The following PPM1A variants were observed in gnomAD, a reference collection of about 807,000 sequenced individuals.
PPM1A encodes the protein protein phosphatase 1A.
In PPM1A, 7 loss-of-function variants were observed where a neutral mutation model predicts 35.0. That is an observed-to-expected ratio of 0.20 (90% CI 0.11 to 0.38). The LOEUF (loss-of-function observed/expected upper bound fraction) is 0.38, where lower values mean the gene tolerates loss of function less well. PPM1A is among the 10% of genes least tolerant of loss of function. PPM1A has a pLI of 1.00. For synonymous variants in PPM1A, 153 were observed against 167.3 expected, an observed-to-expected ratio of 0.91 and a Z score of 0.66; for missense variants, 239 against 467.8, an observed-to-expected ratio of 0.51 and a Z score of 4.51.
At position 60,249,578 on chromosome 14, in the gene PPM1A, T is replaced by A; in HGVS notation, c.-120T>A. 8.1e-6 allele frequency: 8 copies of A among 984,668 alleles called. No individual in the cohort carries two copies. The highest frequency in any genetic ancestry group is 9.6e-6 in the Non-Finnish European group (8 of 830,394). 61.0% of individuals were successfully genotyped at this position (984,668 alleles called of 1,614,324 possible). A position where few individuals can be genotyped will look rare whatever the true frequency, so the allele number is the denominator to read the frequency against. The stretch of plus-strand genomic sequence containing the variant: ...GGCCCGCCGCTGCAGCGGTGACCCC[T>A]CCCCCGGCTGCCGCCGTCGCCGCCG... On this transcript the variant is annotated 5_prime_UTR_variant, in exon 1 of 6. Coordinates refer to ENST00000395076, the MANE Select transcript of PPM1A (RefSeq NM_021003.5). The surrounding 1 kb of genome is among the most constrained non-coding windows in gnomAD (Gnocchi z 4.5).
Position 60,255,689 on chromosome 14 carries a change from A to G in PPM1A, c.-21+6012A>G, listed in dbSNP as rs186268772. Among the ~76,000 whole-genome samples the G allele has an allele frequency of 5.1e-3, 782 of 152,270 alleles. 5 individuals carry two copies. Among genetic ancestry groups the G allele is most frequent in the Non-Finnish European group, 6.5e-3 (443 of 68,028 alleles). On this transcript the variant is annotated intron_variant, in intron 1 of 5. Transcript: ENST00000395076. ...GGTAGTAGAAGTAGTTACAAGCTTT[A>G]TCGTAGCAGACGTTTCTGACTCTCT...
At position 60,289,943 on chromosome 14, in the gene PPM1A, T is replaced by A. The variant is rs1195346075; in HGVS notation, c.1061+29T>A. On this transcript the variant is annotated intron_variant, in intron 4 of 5. Coordinates refer to ENST00000395076, the MANE Select transcript of PPM1A (RefSeq NM_021003.5). This position sits in a 1 kb window ranked among gnomAD's most constrained non-coding sequence, Gnocchi z 4.1. ...AGTTACATTCTGTACACTCTTATGC[T>A]TTATGTCAGTGTATGAAAATGTTAG... 1 of 1,374,748 alleles carries A rather than the reference T, an allele frequency of 7.3e-7. No homozygotes were observed. The highest frequency in any genetic ancestry group is 2.6e-5 in the East Asian group (1 of 38,574). 85.2% of individuals were successfully genotyped at this position (1,374,748 alleles called of 1,614,324 possible). A position where few individuals can be genotyped will look rare whatever the true frequency, so the allele number is the denominator to read the frequency against.
intron 1 of PPM1A, among the ~76,000 whole-genome samples, chr14:60,269,574 A>G (rs1158194750): frequency 4.0e-5 from 6 of 151,800 alleles, no homozygotes. Flanking sequence ...TATTTGAGAC[A>G]GTCTTGCTCT....
At chr14:60,258,257 C>T (rs1255416892) in intron 1 of PPM1A, among the ~76,000 whole-genome samples, 1 of 151,994 alleles carries the variant, frequency 6.6e-6, no homozygotes, top group African/African-American at 2.4e-5. Flanking sequence ...ATATTTTTGG[C>T]TAGACTACAT....
upstream of PPM1A, among the ~76,000 whole-genome samples, chr14:60,248,993 G>GGCA (rs1174932637): frequency 2.0e-5 from 3 of 152,168 alleles, no homozygotes; most frequent in South Asian, 2.1e-4. Flanking sequence ...CAAAGGCGGC[G>GGCA]GCAGCAGCAG....
At chr14:60,257,206 A>G (rs907229403) in intron 1 of PPM1A, among the ~76,000 whole-genome samples, 1 of 152,194 alleles carries the variant, frequency 6.6e-6, no homozygotes, top group Non-Finnish European at 1.5e-5. Flanking sequence ...CTTTATTCAA[A>G]TGAAATTCTC....
At chr14:60,264,483 T>C (rs1884145151) in intron 1 of PPM1A, among the ~76,000 whole-genome samples, 1 of 152,238 alleles carries the variant, frequency 6.6e-6, no homozygotes, top group Admixed American at 6.5e-5. Context: ...GAACAGAGCC[T>C]TGCATATTAT....
rs1438813555 is a variant in PPM1A at position 60,287,564 on chromosome 14, C to T, written c.952+1823C>T. On this transcript the variant is annotated intron_variant, in intron 3 of 5. Transcript: ENST00000395076. ...ACCTGAATGCCTTTTTCTTTTCTCTCTCTCTTCTTTCTTTAAATACATGCC... is the reference window on the plus strand; with the variant it reads ...ACCTGAATGCCTTTTTCTTTTCTCTTTCTCTTCTTTCTTTAAATACATGCC... The T allele has an allele frequency of 3.0e-6, 3 of 985,196 alleles. No homozygotes were observed. In the East Asian group the frequency reaches 3.4e-4, roughly 112 times the overall value. The allele number at this position is 985,196 out of a possible 1,614,324, so 61.0% of individuals were successfully genotyped here.
At position 60,249,579 on chromosome 14, in the gene PPM1A, C is replaced by A. The variant is rs528924735; in HGVS notation, c.-119C>A. ...GCCCGCCGCTGCAGCGGTGACCCCT[C>A]CCCCGGCTGCCGCCGTCGCCGCCGC... On this transcript the variant is annotated 5_prime_UTR_variant, in exon 1 of 6. Coordinates refer to ENST00000395076, the MANE Select transcript of PPM1A (RefSeq NM_021003.5). The surrounding 1 kb of genome is among the most constrained non-coding windows in gnomAD (Gnocchi z 4.5). 9.6e-4 allele frequency: 949 copies of A among 986,744 alleles called. 4 individuals carry two copies. In the African/African-American group the frequency reaches 0.016, roughly 16 times the overall value. The allele number at this position is 986,744 out of a possible 1,614,324, so 61.1% of individuals were successfully genotyped here. A position where few individuals can be genotyped will look rare whatever the true frequency, so the allele number is the denominator to read the frequency against.
chr14:60,291,255 C>A (rs1887601599), intron 4 of PPM1A, 142 bp from the exon 5 acceptor site: 2 of 514,502 alleles, frequency 3.9e-6, no homozygotes, highest in Non-Finnish European at 6.6e-6. Context: ...AAGTGAGGCT[C>A]ACTATTGACA....
At chr14:60,287,368 A>G in intron 3 of PPM1A, 1 of 980,784 alleles carries the variant, frequency 1.0e-6, no homozygotes, top group Non-Finnish European at 1.2e-6. Context: ...TCAATTGGAG[A>G]TTGTCATAAA....
At chr14:60,278,012 G>C (rs915119982) in intron 1 of PPM1A, among the ~76,000 whole-genome samples, 4 of 152,174 alleles carry the variant, frequency 2.6e-5, no homozygotes, top group Admixed American at 6.5e-5. Context: ...CCGTGGCTTA[G>C]TTTCTTCATG....
At chr14:60,268,284 T>C (rs1045363517) in intron 1 of PPM1A, 3 of 984,186 alleles carry the variant, frequency 3.0e-6, no homozygotes, top group Admixed American at 6.2e-5. Flanking sequence ...CTTTCTCATA[T>C]TGTTCCAGGT....
intron 3 of PPM1A, chr14:60,286,680 A>G (rs1408243779): frequency 1.4e-5 from 14 of 984,166 alleles, no homozygotes; most frequent in Middle Eastern, 1.0e-3. Context: ...ACTCACTTTA[A>G]TTTTTTTTCC....
chr14:60,255,167 TTTTTTTGTTTTGTTTTG>T (rs1457490624), intron 1 of PPM1A, among the ~76,000 whole-genome samples: 1 of 107,220 alleles, frequency 9.3e-6, no homozygotes, highest in Non-Finnish European at 1.7e-5. Context: ...ATGTTTTTTT[TTTTTTTGTTTTGTTTTG>T]TTTTTGAGAC....
intron 1 of PPM1A, among the ~76,000 whole-genome samples, chr14:60,255,762 A>T (rs1190289235): frequency 1.3e-5 from 2 of 152,242 alleles, no homozygotes; most frequent in Non-Finnish European, 2.9e-5. Context: ...TGTGAAGATT[A>T]TACAAATCTG....
chr14:60,267,283 T>C (rs1051840888), intron 1 of PPM1A: 1 of 152,142 alleles, frequency 6.6e-6, no homozygotes, highest in Non-Finnish European at 1.5e-5. Context: ...ATTTCCTCTT[T>C]GGCTTGAAGT....
chr14:60,290,770 T>C (rs1887548405), intron 4 of PPM1A, among the ~76,000 whole-genome samples: 1 of 152,036 alleles, frequency 6.6e-6, no homozygotes, highest in African/African-American at 2.4e-5. Flanking sequence ...GAAGCTTTTA[T>C]TTTTTGGAAA....
At chr14:60,251,977 A>G (rs1455599067) in intron 1 of PPM1A, among the ~76,000 whole-genome samples, 1 of 152,188 alleles carries the variant, frequency 6.6e-6, no homozygotes, top group African/African-American at 2.4e-5. Flanking sequence ...TGTCACTTCA[A>G]GCTGGGTCTT....
Sources: allele counts gnomAD v4.1 joint callset (sites outside exome capture counted in the v4.1 genomes callset), GRCh38; gene constraint gnomAD v4.1.1; non-coding constraint Gnocchi (gnomAD v3.1); transcripts MANE v1.5; gene names NCBI Gene and HGNC (gene_info 2026-07-23, HGNC 2026-07-21).